UBA2: variants seen among roughly 807,000 people sequenced by gnomAD.
UBA2 encodes SUMO-activating enzyme subunit 2.
UBA2 carries 11 observed loss-of-function variants against 77.2 expected under a neutral mutation model. The ratio of observed to expected loss-of-function variants is 0.14; its 90% CI spans 0.09 to 0.24. The LOEUF (loss-of-function observed/expected upper bound fraction) is 0.24. UBA2 is among the 10% of genes least tolerant of loss of function. UBA2 has a pLI of 1.00. For synonymous variants in UBA2, 278 were observed against 276.7 expected (o/e 1.00, Z -0.05); for missense variants, 487 against 781.7 (o/e 0.62, Z 4.50).
chr19:34,462,898 C>G (rs546496782), intron 14 of UBA2, among the ~76,000 whole-genome samples: 1 of 152,238 alleles, frequency 6.6e-6, no homozygotes, highest in East Asian at 1.9e-4. Flanking sequence ...AGTTGGAGAC[C>G]AGCTTGGCCA....
At chr19:34,431,268 T>TA (rs2075252002) in intron 2 of UBA2, among the ~76,000 whole-genome samples, 1 of 139,756 alleles carries the variant, frequency 7.2e-6, no homozygotes, top group African/African-American at 2.8e-5. Flanking sequence ...TTTTTTTTTT[T>TA]AGAGATAGGG....
In UBA2 at chr19:34,430,559, G is replaced by C. The variant is rs375300698; in HGVS notation, c.139-17G>C. 4.4e-6 allele frequency: 7 copies of C among 1,595,822 alleles called. No homozygotes were observed. In the African/African-American group the frequency reaches 9.4e-5, roughly 21 times the overall value. On this transcript the variant is annotated splice_polypyrimidine_tract_variant and intron_variant, in intron 1 of 16. Transcript: ENST00000246548. ...ACGTAAACGTTTGTCATTTATCTGGGGTTTATGCATTTGTAGATTGATCTG... is the reference window on the plus strand; with the variant it reads ...ACGTAAACGTTTGTCATTTATCTGGCGTTTATGCATTTGTAGATTGATCTG...
intron 7 of UBA2, 133 bp downstream of exon 7, chr19:34,444,044 GTTTTTTTT>G (rs35028159): frequency 5.5e-4 from 97 of 175,684 alleles, no homozygotes; most frequent in South Asian, 8.3e-4. Context: ...TTTTTTTTTT[GTTTTTTTT>G]TTTTTTTTTT....
chr19:34,449,063 ATCTTT>A (rs1316528262), intron 8 of UBA2, among the ~76,000 whole-genome samples: 1 of 137,094 alleles, frequency 7.3e-6, no homozygotes, highest in African/African-American at 2.8e-5. Flanking sequence ...TAAAATATAA[ATCTTT>A]TTTTTTTTTT....
intron 12 of UBA2, among the ~76,000 whole-genome samples, chr19:34,458,558 C>CAAAAAAAAAAA (rs60349858): frequency 4.9e-5 from 3 of 60,616 alleles, no homozygotes; most frequent in African/African-American, 2.4e-4. Context: ...GACTCCGTCT[C>CAAAAAAAAAAA]AAAAAAAAAA....
chr19:34,439,702 C>T (rs1341378770), intron 6 of UBA2, among the ~76,000 whole-genome samples: 1 of 151,984 alleles, frequency 6.6e-6, no homozygotes, highest in Non-Finnish European at 1.5e-5. Context: ...TACCTGTACT[C>T]CCAGCTACTT....
rs1019973825 is a variant in UBA2 at position 34,434,231 on chromosome 19, C to T, written c.359-637C>T. ...GGCTCAGGTGATACTCTTACCTCAA[C>T]CTCTGCAGTAGCTACTCTGCAGACA... On this transcript the variant is annotated intron_variant, in intron 4 of 16. Transcript: ENST00000246548. 5.3e-5 allele frequency among the ~76,000 whole-genome samples: 8 copies of T among 152,272 alleles called. No individual in the cohort carries two copies. The South Asian group carries it at 1.4e-3, about 28-fold the overall frequency.
In UBA2 at chr19:34,464,016, C is replaced by A; in HGVS notation, c.1499-10C>A. 1 of 1,590,576 alleles carries A rather than the reference C, an allele frequency of 6.3e-7. No individual in the cohort carries two copies. On this transcript the variant is annotated splice_polypyrimidine_tract_variant and intron_variant, in intron 14 of 16. Coordinates refer to ENST00000246548, the MANE Select transcript of UBA2 (RefSeq NM_005499.3). Reference sequence around the variant, plus strand: ...GTAACTGAAGTATCTAAATTATTCACGTTTCCTAGCTAATAATCACAAGAA... The same window carrying A: ...GTAACTGAAGTATCTAAATTATTCAAGTTTCCTAGCTAATAATCACAAGAA...
intron 10 of UBA2, among the ~76,000 whole-genome samples, chr19:34,453,753 C>A (rs1364829947): frequency 1.3e-5 from 2 of 152,048 alleles, no homozygotes; most frequent in African/African-American, 4.8e-5. Context: ...GTCACAAACT[C>A]CTGAGCTCAG....
chr19:34,447,916 A>C (rs2075449146), intron 8 of UBA2, among the ~76,000 whole-genome samples: 1 of 152,174 alleles, frequency 6.6e-6, no homozygotes. Context: ...GTACAAGGAA[A>C]CTCTGAATAG....
intron 12 of UBA2, among the ~76,000 whole-genome samples, chr19:34,455,731 C>T (rs151160747): frequency 0.014 from 2,205 of 152,188 alleles, 51 homozygotes; most frequent in African/African-American, 0.05. Flanking sequence ...GCAACCTCCA[C>T]CTCCCAGGAT....
In UBA2 at chr19:34,434,863, TC is replaced by T; in HGVS notation, c.359-3del. On this transcript the variant is annotated splice_polypyrimidine_tract_variant and splice_region_variant and intron_variant, in intron 4 of 16. Coordinates refer to ENST00000246548, the MANE Select transcript of UBA2 (RefSeq NM_005499.3). ...AAAAACTCATACTGTTTGTTTTACTTCCAGCTGCCCGAAACCATGTTAATAG... is the reference window on the plus strand; with the variant it reads ...AAAAACTCATACTGTTTGTTTTACTTCAGCTGCCCGAAACCATGTTAATAG... 2 of 1,594,510 alleles carry T rather than the reference TC, an allele frequency of 1.3e-6. No individual in the cohort carries two copies. The highest frequency in any genetic ancestry group is 1.7e-6 in the Non-Finnish European group (2 of 1,168,230).
chr19:34,443,676 G>A (rs2075394924), intron 6 of UBA2, among the ~76,000 whole-genome samples, 168 bp from the exon 7 acceptor site: 1 of 152,028 alleles, frequency 6.6e-6, no homozygotes, highest in Non-Finnish European at 1.5e-5. Flanking sequence ...TCCTGACTTT[G>A]TGATCTGCCT....
intron 14 of UBA2, among the ~76,000 whole-genome samples, chr19:34,460,798 C>T (rs1048903814): frequency 6.6e-6 from 1 of 152,172 alleles, no homozygotes; most frequent in Non-Finnish European, 1.5e-5. Flanking sequence ...TTCCAAGGAA[C>T]CTCCTTGCCG....
Position 34,445,062 on chromosome 19 carries a change from A to T in UBA2, c.712A>T (p.Ile238Phe). Residue 238 changes from isoleucine (I) to phenylalanine (F), a missense_variant, in exon 8 of 17, where the codon ATT (isoleucine) becomes TTT (phenylalanine). Ile to Phe is a conservative substitution (Grantham distance 21, BLOSUM62 0). This residue lies in a region of UBA2 where 300 missense variants were observed against 454.3 expected (regional missense o/e 0.66). Transcript: ENST00000246548. Reference sequence around the variant, plus strand: ...TAATGAAGATGGTGACATTAAACGTATTTCTACTAAGGAATGGGCTAAATC... The same window carrying T: ...TAATGAAGATGGTGACATTAAACGTTTTTCTACTAAGGAATGGGCTAAATC... The part of the protein sequence containing the change: ...ASNEDGDIKR[I>F]STKEWAKSTG... 6.2e-7 allele frequency: 1 copy of T among 1,613,954 alleles called. No homozygotes were observed. Among genetic ancestry groups the T allele is most frequent in the Non-Finnish European group, 8.5e-7 (1 of 1,179,916 alleles).
intron 14 of UBA2, among the ~76,000 whole-genome samples, chr19:34,463,217 C>T (rs1167607469): frequency 1.3e-5 from 2 of 152,064 alleles, no homozygotes; most frequent in Non-Finnish European, 2.9e-5. Context: ...GCCTGTGTGA[C>T]ACGGTGAGAC....
chr19:34,450,068 C>T (rs1246334757), intron 8 of UBA2, among the ~76,000 whole-genome samples, 197 bp from the exon 9 acceptor site: 2 of 152,156 alleles, frequency 1.3e-5, no homozygotes, highest in African/African-American at 4.8e-5. Flanking sequence ...TTCTGCATTT[C>T]GCTGTTTTCA....
Position 34,431,899 on chromosome 19 carries a change from T to C in UBA2, c.261T>C (p.Ala87=), listed in dbSNP as rs1233393333. ...GTGTACTGCAGTTTTACCCGAAAGC[T>C]AATATCGTTGCCTACCATGACAGCA... ...KESVLQFYPK[A]NIVAYHDSIM... is the part of the protein sequence containing the mutation. Residue 87 remains alanine, a synonymous_variant, in exon 3 of 17, where the codon GCT becomes GCC. Coordinates refer to ENST00000246548, the MANE Select transcript of UBA2 (RefSeq NM_005499.3). 5 of 1,614,022 alleles carry C rather than the reference T, an allele frequency of 3.1e-6. No homozygotes were observed. Among genetic ancestry groups the C allele is most frequent in the Non-Finnish European group, 4.2e-6 (5 of 1,179,958 alleles).
At chr19:34,461,622 C>T (rs773489948) in intron 14 of UBA2, among the ~76,000 whole-genome samples, 1 of 152,218 alleles carries the variant, frequency 6.6e-6, no homozygotes, top group Non-Finnish European at 1.5e-5. Context: ...CGTGACCCTT[C>T]TGTACGGAAT....
Sources: allele counts gnomAD v4.1 joint callset (sites outside exome capture counted in the v4.1 genomes callset), GRCh38; gene constraint gnomAD v4.1.1; regional missense constraint gnomAD v4.1.1; transcripts MANE v1.5; gene names NCBI Gene and HGNC (gene_info 2026-07-23, HGNC 2026-07-21).